The following USP6NL variants were observed in gnomAD, a reference collection of about 807,000 sequenced individuals.
The protein encoded by USP6NL is USP6 N-terminal like.
USP6NL carries 26 observed loss-of-function variants against 61.9 expected under a neutral mutation model. That is an observed-to-expected ratio of 0.42 (90% CI 0.31 to 0.58). The LOEUF (loss-of-function observed/expected upper bound fraction) is 0.58, where lower values mean the gene tolerates loss of function less well. Among genes scored for constraint, USP6NL ranks in the 20% least tolerant of loss-of-function variants. USP6NL has a pLI of 0.16. For synonymous variants in USP6NL, 432 were observed against 390.1 expected (o/e 1.11, Z -1.27); for missense variants, 1,114 against 1,034.3 (o/e 1.08, Z -1.06).
chr10:11,514,001 C>T (rs1412493073), intron 5 of USP6NL, among the ~76,000 whole-genome samples: 1 of 152,180 alleles, frequency 6.6e-6, no homozygotes, highest in Non-Finnish European at 1.5e-5. Flanking sequence ...TTGTCTTTCC[C>T]AGCACATCAC....
At chr10:11,593,989 T>C (rs118097975) in intron 2 of USP6NL, among the ~76,000 whole-genome samples, 4,165 of 152,320 alleles carry the variant, frequency 0.027, 78 homozygotes, top group Non-Finnish European at 0.046. Flanking sequence ...CAGAAAAATA[T>C]TGGGGGGGAA....
In USP6NL at chr10:11,474,192, T is replaced by C. The variant is rs1464404747; in HGVS notation, c.1078+7578A>G. Among the ~76,000 whole-genome samples the C allele has an allele frequency of 6.6e-6, 1 of 152,236 alleles. No homozygotes were observed. Among genetic ancestry groups the C allele is most frequent in the Non-Finnish European group, 1.5e-5 (1 of 68,032 alleles). ...CTGTAGTTTTTTGCATTAAGGAATC[T>C]GTTTGTATTTAGAATTTTCTGTGTT... On this transcript the variant is annotated intron_variant, in intron 14 of 14. Coordinates refer to ENST00000609104, the MANE Select transcript of USP6NL (RefSeq NM_014688.5). This position sits in a 1 kb window ranked among gnomAD's most constrained non-coding sequence, Gnocchi z 4.9.
intron 5 of USP6NL, among the ~76,000 whole-genome samples, chr10:11,516,978 C>T (rs1834984602): frequency 6.6e-6 from 1 of 152,180 alleles, no homozygotes; most frequent in Non-Finnish European, 1.5e-5. Flanking sequence ...GGTCTGAAGA[C>T]TTTCAAACTT....
chr10:11,527,700 A>T, intron 2 of USP6NL, 133 bp from the exon 3 acceptor site: 2 of 800,764 alleles, frequency 2.5e-6, no homozygotes, highest in Non-Finnish European at 3.9e-6. Context: ...ATCAAATAAA[A>T]GGATGAGTTA....
chr10:11,472,142 A>T (rs1832778050), intron 14 of USP6NL, among the ~76,000 whole-genome samples: 1 of 152,224 alleles, frequency 6.6e-6, no homozygotes, highest in African/African-American at 2.4e-5. Context: ...AATCGCTTCA[A>T]CAAAAAGGAA....
intron 14 of USP6NL, among the ~76,000 whole-genome samples, chr10:11,466,232 G>A (rs577418201): frequency 6.6e-6 from 1 of 152,304 alleles, no homozygotes; most frequent in African/African-American, 2.4e-5. Context: ...CCCCTTTTAA[G>A]TGTGGTAACC....
chr10:11,573,968 TAAACA>T (rs59923388), intron 2 of USP6NL: 99 of 273,612 alleles, frequency 3.6e-4, no homozygotes, highest in African/African-American at 2.1e-3. Context: ...TAACTAGTTA[TAAACA>T]AAACAAAACA....
rs1836919360 is a variant in USP6NL, at chr10:11,561,223, T to A, written c.5-33656A>T. On this transcript the variant is annotated intron_variant, in intron 2 of 14. Transcript: ENST00000609104. The surrounding 1 kb of genome is among the most constrained non-coding windows in gnomAD (Gnocchi z 4.1). The stretch of plus-strand genomic sequence containing the variant: ...ATTGTAGAATACCTCATTTCCTAAC[T>A]GAACACTTAATTCATGCTTATAAAA... 6.6e-6 allele frequency among the ~76,000 whole-genome samples: 1 copy of A among 152,218 alleles called. No homozygotes were observed. Among genetic ancestry groups the A allele is most frequent in the South Asian group, 2.1e-4 (1 of 4,836 alleles).
rs922810370 is a variant in USP6NL, at chr10:11,490,611, G to A, written c.543+221C>T. Among the ~76,000 whole-genome samples, 5 of 152,194 alleles carry A rather than the reference G, an allele frequency of 3.3e-5. No homozygotes were observed. The highest frequency in any genetic ancestry group is 1.2e-4 in the African/African-American group (5 of 41,446). On this transcript the variant is annotated intron_variant, in intron 9 of 14. Coordinates refer to ENST00000609104, the MANE Select transcript of USP6NL (RefSeq NM_014688.5). This position sits in a 1 kb window ranked among gnomAD's most constrained non-coding sequence, Gnocchi z 4.5. ...GGAGAGAGAAAAGGTGAGACTCACT[G>A]GCATACTGTGGTCATATTTAGGTTC...
At chr10:11,578,367 A>G (rs1837626690) in intron 2 of USP6NL, among the ~76,000 whole-genome samples, 1 of 152,190 alleles carries the variant, frequency 6.6e-6, no homozygotes, top group African/African-American at 2.4e-5. Context: ...CATCAATACA[A>G]TCTTTAATAG....
At position 11,596,517 on chromosome 10, in the gene USP6NL, G is replaced by A. The variant is rs142098296; in HGVS notation, c.4+1114C>T. On this transcript the variant is annotated intron_variant, in intron 2 of 14. Transcript: ENST00000609104. The surrounding 1 kb of genome is among the most constrained non-coding windows in gnomAD (Gnocchi z 4.1). ...CGGGCGCCTGTAGTCCCAGCTACTC[G>A]GGAGGCTGAGGCAGGAGAATGGCGC... 4.0e-5 allele frequency among the ~76,000 whole-genome samples: 6 copies of A among 151,896 alleles called. No individual in the cohort carries two copies. The highest frequency in any genetic ancestry group is 2.1e-4 in the South Asian group (1 of 4,822).
intron 5 of USP6NL, among the ~76,000 whole-genome samples, chr10:11,515,868 G>T (rs909539409): frequency 6.6e-6 from 1 of 152,054 alleles, no homozygotes; most frequent in Non-Finnish European, 1.5e-5. Context: ...CCTGACATTG[G>T]AAAGTCTATC....
In USP6NL at chr10:11,463,755, G is replaced by C. The variant is rs772326982; in HGVS notation, c.1173C>G (p.Ser391Arg). The C allele has an allele frequency of 1.3e-6, 2 of 1,583,482 alleles. No homozygotes were observed. The highest frequency in any genetic ancestry group is 1.7e-6 in the Non-Finnish European group (2 of 1,164,104). The change falls in exon 15 of 15, where the codon AGC (serine) becomes AGG (arginine). Residue 391 changes from serine to arginine, a missense_variant. Ser to Arg is a moderately radical substitution (Grantham distance 110, BLOSUM62 -1). Coordinates refer to ENST00000609104, the MANE Select transcript of USP6NL (RefSeq NM_014688.5). This position sits in a 1 kb window ranked among gnomAD's most constrained non-coding sequence, Gnocchi z 6.3. ...GVHHLSNGQRSVGRPSPLASG... is the reference protein window; with the variant it reads ...GVHHLSNGQRRVGRPSPLASG... The stretch of plus-strand genomic sequence containing the variant: ...TGGCCAGCGGGCTCGGCCGGCCCAC[G>C]CTCCTCTGTCCGTTGCTCAAGTGAT...
At chr10:11,604,292 A>G (rs1477165793) in intron 1 of USP6NL, among the ~76,000 whole-genome samples, 1 of 152,254 alleles carries the variant, frequency 6.6e-6, no homozygotes, top group South Asian at 2.1e-4. Context: ...ATTTTAATTC[A>G]ATGGGTAACT....
At chr10:11,505,530 T>C (rs1019702835) in intron 6 of USP6NL, among the ~76,000 whole-genome samples, 1 of 152,190 alleles carries the variant, frequency 6.6e-6, no homozygotes, top group African/African-American at 2.4e-5. Flanking sequence ...ATAAAGAACT[T>C]CTACATATTG....
At chr10:11,588,332 A>G (rs78338533) in intron 2 of USP6NL, among the ~76,000 whole-genome samples, 1,652 of 152,350 alleles carry the variant, frequency 0.011, 25 homozygotes, top group Non-Finnish European at 0.015. Context: ...CATATATTAG[A>G]TAAGTCTAAT....
chr10:11,506,547 G>C (rs1269997644), intron 6 of USP6NL, among the ~76,000 whole-genome samples: 1 of 152,056 alleles, frequency 6.6e-6, no homozygotes, highest in Non-Finnish European at 1.5e-5. Context: ...TACTTGGGAA[G>C]CTGAGGCAGG....
Position 11,591,686 on chromosome 10 carries a change from A to G in USP6NL, c.4+5945T>C, listed in dbSNP as rs1838162087. On this transcript the variant is annotated intron_variant, in intron 2 of 14. Transcript: ENST00000609104. This position sits in a 1 kb window ranked among gnomAD's most constrained non-coding sequence, Gnocchi z 4.7. ...TGGACAAAATGTAAATATTTGATAA[A>G]TCTCACCAAAAGGTATATGGAAATT... is the stretch of plus-strand genomic sequence containing the variant. Among the ~76,000 whole-genome samples the G allele has an allele frequency of 6.6e-6, 1 of 152,174 alleles. No homozygotes were observed. The highest frequency in any genetic ancestry group is 1.5e-5 in the Non-Finnish European group (1 of 68,020).
rs980963201 is a variant in USP6NL at position 11,481,746 on chromosome 10, A to G, written c.1078+24T>C. Reference sequence around the variant, plus strand: ...TTCCAATCTTAATTATAACGTAGATATAAAGTATTGGGGTAATTCTTACCA... The same window carrying G: ...TTCCAATCTTAATTATAACGTAGATGTAAAGTATTGGGGTAATTCTTACCA... On this transcript the variant is annotated intron_variant, in intron 14 of 14. Coordinates refer to ENST00000609104, the MANE Select transcript of USP6NL (RefSeq NM_014688.5). This position sits in a 1 kb window ranked among gnomAD's most constrained non-coding sequence, Gnocchi z 4.4. The G allele has an allele frequency of 7.0e-6, 11 of 1,577,748 alleles. No homozygotes were observed. Among genetic ancestry groups the G allele is most frequent in the Non-Finnish European group, 9.4e-6 (11 of 1,166,516 alleles).
Sources: gnomAD v4.1 joint callset for allele counts (sites outside exome capture counted in the v4.1 genomes callset) on GRCh38, gnomAD v4.1.1 for gene constraint, Gnocchi (gnomAD v3.1) non-coding constraint, MANE v1.5 for transcripts, NCBI Gene and HGNC (gene_info 2026-07-23, HGNC 2026-07-21) for gene names.